SLC13A5: variants seen among roughly 807,000 people sequenced by gnomAD.
The protein encoded by SLC13A5 is solute carrier family 13 member 5.
In SLC13A5, 25 loss-of-function variants were observed where a neutral mutation model predicts 56.5. That is an observed-to-expected ratio of 0.44 (90% CI 0.32 to 0.62). The LOEUF is 0.62. SLC13A5 is among the 20% of genes least tolerant of loss of function. The probability of loss-of-function intolerance (pLI) is 0.04; values close to 1 mark genes in which losing one functional copy is unlikely to be tolerated. For missense variants in SLC13A5, 649 were observed against 737.8 expected (o/e 0.88, Z 1.39); for synonymous variants, 307 against 301.5 (o/e 1.02, Z -0.19).
chr17:6,703,068 C>A lies in SLC13A5; in HGVS notation c.618G>T (p.Lys206Asn), dbSNP rs917823806. ...CGTAGCAGATGCACAGGGTCATGGC[C>A]TTACACAACCTCTTCCGCTCTTGGT... ...QEDQERKRLC[K>N]AMTLCICYAA... Residue 206 changes from lysine (K) to asparagine (N), a missense_variant, in exon 5 of 12, where the codon AAG becomes AAT. Transcript: ENST00000433363. The A allele has an allele frequency of 3.1e-6, 5 of 1,614,222 alleles. No individual in the cohort carries two copies. Among genetic ancestry groups the A allele is most frequent in the Admixed American group, 1.7e-5 (1 of 60,038 alleles).
chr17:6,703,922 G>T lies in SLC13A5; in HGVS notation c.503C>A (p.Ala168Asp). 6.3e-7 allele frequency: 1 copy of T among 1,593,798 alleles called. No individual in the cohort carries two copies. The change falls in exon 4 of 12, where the codon GCC (alanine) becomes GAC (aspartate). Residue 168 changes from alanine (A) to aspartate (D), a missense_variant. Ala to Asp is a moderately radical substitution (Grantham distance 126). Coordinates refer to ENST00000433363, the MANE Select transcript of SLC13A5 (RefSeq NM_177550.5). Reference sequence around the variant, plus strand: ...GCCCTTGTCCACCAGCTCCAGGCCGGCCTCGGTGGCTGCGCTTGTGGCTTC... The same window carrying T: ...GCCCTTGTCCACCAGCTCCAGGCCGTCCTCGGTGGCTGCGCTTGTGGCTTC... ...QMEATSAATEAGLELVDKGKA... is the reference protein window; with the variant it reads ...QMEATSAATEDGLELVDKGKA...
At chr17:6,709,379 C>T (rs570165555) in intron 1 of SLC13A5, among the ~76,000 whole-genome samples, 4 of 152,230 alleles carry the variant, frequency 2.6e-5, no homozygotes, top group African/African-American at 9.6e-5. Flanking sequence ...AAGCGATTCT[C>T]CTGCCTCAGT....
At chr17:6,693,299 C>A in intron 8 of SLC13A5, 137 bp from the exon 9 acceptor site, 1 of 599,958 alleles carries the variant, frequency 1.7e-6, no homozygotes, top group Non-Finnish European at 2.9e-6. Flanking sequence ...CAATGAGGTA[C>A]CATCTCCTAC....
rs1973703267 is a variant in SLC13A5, at chr17:6,701,179, T to A, written c.717-53A>T. On this transcript the variant is annotated intron_variant, in intron 5 of 11. Transcript: ENST00000433363. This position sits in a 1 kb window ranked among gnomAD's most constrained non-coding sequence, Gnocchi z 4.1. ...AGATGCTGAGCTGTGGGAGCCAGCC[T>A]GGCCCTGTGCGTGGGGACGGAGCAG... The A allele has an allele frequency of 6.2e-7, 1 of 1,607,032 alleles. No homozygotes were observed.
chr17:6,708,003 G>A (rs893361931), intron 1 of SLC13A5, among the ~76,000 whole-genome samples: 9 of 151,954 alleles, frequency 5.9e-5, no homozygotes, highest in African/African-American at 2.2e-4. Context: ...ACAGAGTTTC[G>A]ATCCTGTTGC....
Position 6,703,861 on chromosome 17 carries a change from C to T in SLC13A5, c.547+17G>A, listed in dbSNP as rs1973786759. 2 of 1,521,348 alleles carry T rather than the reference C, an allele frequency of 1.3e-6. No individual in the cohort carries two copies. The highest frequency in any genetic ancestry group is 1.3e-5 in the South Asian group (1 of 79,412). The allele number at this position is 1,521,348 out of a possible 1,614,324, so 94.2% of individuals were successfully genotyped here. A position where few individuals can be genotyped will look rare whatever the true frequency, so the allele number is the denominator to read the frequency against. On this transcript the variant is annotated intron_variant, in intron 4 of 11. Coordinates refer to ENST00000433363, the MANE Select transcript of SLC13A5 (RefSeq NM_177550.5). ...GGCTGCTGTTGTGGCCTGGCAGTGC[C>T]CTGGCCAGGGGCTCACCTGGCAGCT...
chr17:6,710,006 G>A (rs1973977634), intron 1 of SLC13A5, among the ~76,000 whole-genome samples: 1 of 152,232 alleles, frequency 6.6e-6, no homozygotes, highest in South Asian at 2.1e-4. Context: ...GGGGCAGGGT[G>A]AGGGCAGGAG....
intron 11 of SLC13A5, chr17:6,686,812 G>T (rs945962672): frequency 2.5e-5 from 4 of 160,160 alleles, no homozygotes; most frequent in Non-Finnish European, 5.5e-5. Flanking sequence ...TTTTACTGGG[G>T]ATTGGAGTCA....
intron 10 of SLC13A5, chr17:6,688,899 T>C (rs1331254831): frequency 1.3e-5 from 2 of 152,236 alleles, no homozygotes; most frequent in African/African-American, 4.8e-5. Context: ...TTTTTAGCCA[T>C]ATACCATCTG....
chr17:6,701,144 C>A lies in SLC13A5; in HGVS notation c.717-18G>T, dbSNP rs1040248435. The stretch of plus-strand genomic sequence containing the variant: ...GAAACAACCTACAAGAAGACACCGG[C>A]CCCCACCTCAGATGCTGAGCTGTGG... On this transcript the variant is annotated intron_variant, in intron 5 of 11. Transcript: ENST00000433363. This position sits in a 1 kb window ranked among gnomAD's most constrained non-coding sequence, Gnocchi z 4.1. The A allele has an allele frequency of 6.2e-7, 1 of 1,613,038 alleles. No homozygotes were observed. Among genetic ancestry groups the A allele is most frequent in the South Asian group, 1.1e-5 (1 of 90,974 alleles).
Position 6,685,766 on chromosome 17 carries a change from G to C in SLC13A5, c.*441C>G, listed in dbSNP as rs1191348650. 6.2e-6 allele frequency: 1 copy of C among 160,254 alleles called. No homozygotes were observed. The highest frequency in any genetic ancestry group is 1.4e-5 in the Non-Finnish European group (1 of 72,718). The allele number at this position is 160,254 out of a possible 1,614,324, so 9.9% of individuals were successfully genotyped here. On this transcript the variant is annotated 3_prime_UTR_variant, in exon 12 of 12. Transcript: ENST00000433363. This position sits in a 1 kb window ranked among gnomAD's most constrained non-coding sequence, Gnocchi z 4.2. ...ATCTGAGGCTGCTCAAGGTGAGCTG[G>C]AAGGGACATGGGCACTGGTAGGTGG...
chr17:6,708,993 C>CTTTTTT lies in SLC13A5; in HGVS notation c.103-1843_103-1838dup, dbSNP rs575087645. On this transcript the variant is annotated intron_variant, in intron 1 of 11. Transcript: ENST00000433363. ...TTCTTTCTCTCTCGCTCTTTTATTTCTTTTTTTTTTTTTTTGAGACAGGGT... is the reference window on the plus strand; with the variant it reads ...TTCTTTCTCTCTCGCTCTTTTATTTCTTTTTTTTTTTTTTTTTTTTTGAGACAGGGT... Among the ~76,000 whole-genome samples the CTTTTTT allele has an allele frequency of 9.8e-4, 131 of 133,024 alleles. 4 individuals carry two copies. In the South Asian group the frequency reaches 0.011, roughly 11 times the overall value. 87.3% of individuals were successfully genotyped at this position (133,024 alleles called of 152,430 possible). A position where few individuals can be genotyped will look rare whatever the true frequency, so the allele number is the denominator to read the frequency against.
chr17:6,685,866 CT>C lies in SLC13A5; in HGVS notation c.*340del. The stretch of plus-strand genomic sequence containing the variant: ...GACGAAGCGAGTGAAAACCAGAGCC[CT>C]GTGTGGGGGATGCTTGAGGCAGAGC... On this transcript the variant is annotated 3_prime_UTR_variant, in exon 12 of 12. Coordinates refer to ENST00000433363, the MANE Select transcript of SLC13A5 (RefSeq NM_177550.5). This position sits in a 1 kb window ranked among gnomAD's most constrained non-coding sequence, Gnocchi z 4.2. 1 of 300,754 alleles carries C rather than the reference CT, an allele frequency of 3.3e-6. No homozygotes were observed. The highest frequency in any genetic ancestry group is 4.2e-5 in the Admixed American group (1 of 24,084). 18.6% of individuals were successfully genotyped at this position (300,754 alleles called of 1,614,324 possible).
In SLC13A5 at chr17:6,692,270, TGGATGGAC is replaced by T. The variant is rs1485861344; in HGVS notation, c.1275+766_1275+773del. ...ATGGATGGATGGATGGATGGATGGA[TGGATGGAC>T]GGATGGACGGACGGATGGATGGATG... On this transcript the variant is annotated intron_variant, in intron 9 of 11. Transcript: ENST00000433363. The surrounding 1 kb of genome is among the most constrained non-coding windows in gnomAD (Gnocchi z 5.5). Among the ~76,000 whole-genome samples, 25 of 145,446 alleles carry T rather than the reference TGGATGGAC, an allele frequency of 1.7e-4. No individual in the cohort carries two copies. Among genetic ancestry groups the T allele is most frequent in the African/African-American group, 4.8e-4 (17 of 35,584 alleles).
chr17:6,708,494 A>G (rs899690188), intron 1 of SLC13A5, among the ~76,000 whole-genome samples: 9 of 152,262 alleles, frequency 5.9e-5, no homozygotes, highest in African/African-American at 1.7e-4. Flanking sequence ...GCGAAACAAC[A>G]TAAGCCAATA....
chr17:6,694,192 A>T lies in SLC13A5; in HGVS notation c.1061T>A (p.Val354Asp). 1 of 1,606,732 alleles carries T rather than the reference A, an allele frequency of 6.2e-7. No homozygotes were observed. Among genetic ancestry groups the T allele is most frequent in the Non-Finnish European group, 8.5e-7 (1 of 1,173,860 alleles). Residue 354 changes from valine (V) to aspartate (D), a missense_variant, in exon 8 of 12, where the codon GTC becomes GAC. Physicochemically the swap from Val to Asp is radical, Grantham distance 152 (BLOSUM62 -3). Coordinates refer to ENST00000433363, the MANE Select transcript of SLC13A5 (RefSeq NM_177550.5). ...AAAGATGGCCACAGTGGCATCGGAG[A>T]CATACCTAGGTGGGGAAAAGCACAG... ...VAWVEGETKY[V>D]SDATVAIFVA... is the part of the protein sequence containing the mutation.
At chr17:6,699,408 G>T (rs1434565996) in intron 6 of SLC13A5, among the ~76,000 whole-genome samples, 1 of 152,170 alleles carries the variant, frequency 6.6e-6, no homozygotes, top group Non-Finnish European at 1.5e-5. Context: ...TGGGGTTTGG[G>T]CAATGATCAT....
chr17:6,713,207 A>C lies in SLC13A5; in HGVS notation c.102+25T>G. On this transcript the variant is annotated intron_variant, in intron 1 of 11. Transcript: ENST00000433363. This position sits in a 1 kb window ranked among gnomAD's most constrained non-coding sequence, Gnocchi z 7.3. Reference sequence around the variant, plus strand: ...TGGGCACAGGACGCCGGGTGTCCGAAGGGCTGCCTGGAGATGCAACTGACC... The same window carrying C: ...TGGGCACAGGACGCCGGGTGTCCGACGGGCTGCCTGGAGATGCAACTGACC... 1 of 1,610,848 alleles carries C rather than the reference A, an allele frequency of 6.2e-7. No individual in the cohort carries two copies. The highest frequency in any genetic ancestry group is 8.5e-7 in the Non-Finnish European group (1 of 1,177,942).
At position 6,707,029 on chromosome 17, in the gene SLC13A5, T is replaced by C; in HGVS notation, c.230A>G (p.Gln77Arg). 1 of 1,613,918 alleles carries C rather than the reference T, an allele frequency of 6.2e-7. No homozygotes were observed. Among genetic ancestry groups the C allele is most frequent in the Non-Finnish European group, 8.5e-7 (1 of 1,180,018 alleles). ...FPLFQILDSR[Q>R]VCVQYMKDTN... Reference sequence around the variant, plus strand: ...CCAGGATCCCTTGGGTCTGCTCACCTGCCTGGAGTCCAGAATCTGGAAGAG... The same window carrying C: ...CCAGGATCCCTTGGGTCTGCTCACCCGCCTGGAGTCCAGAATCTGGAAGAG... Residue 77 changes from glutamine to arginine, a missense_variant and splice_region_variant, in exon 2 of 12, where the codon CAG (glutamine) becomes CGG (arginine). Physicochemically the swap from Gln to Arg is conservative, Grantham distance 43. Coordinates refer to ENST00000433363, the MANE Select transcript of SLC13A5 (RefSeq NM_177550.5).
Sources: allele counts gnomAD v4.1 joint callset (sites outside exome capture counted in the v4.1 genomes callset), GRCh38; gene constraint gnomAD v4.1.1; non-coding constraint Gnocchi (gnomAD v3.1); transcripts MANE v1.5; gene names NCBI Gene and HGNC (gene_info 2026-07-23, HGNC 2026-07-21).